The following ATAD2B variants were observed in gnomAD, a reference collection of about 807,000 sequenced individuals.
ATAD2B encodes the protein ATPase family AAA domain-containing protein 2B.
A neutral mutation model predicts 167.6 loss-of-function variants in ATAD2B; 40 were observed. That is an observed-to-expected ratio of 0.24 (90% CI 0.19 to 0.31). ATAD2B has a LOEUF of 0.31. ATAD2B is among the 10% of genes least tolerant of loss of function. The pLI is 1.00. For synonymous variants in ATAD2B, 579 were observed against 596.5 expected (o/e 0.97, Z 0.43); for missense variants, 1,242 against 1,757.2 (o/e 0.71, Z 5.24).
At chr2:23,729,800 G>T in the ATAD2B span, among the ~76,000 whole-genome samples, 1 of 152,030 alleles carries the variant, frequency 6.6e-6, no homozygotes, top group African/African-American at 2.4e-5. Context: ...AATTACCAGG[G>T]ATAAAGAATA....
the ATAD2B span, among the ~76,000 whole-genome samples, chr2:23,734,348 T>C: frequency 6.6e-6 from 1 of 151,946 alleles, no homozygotes; most frequent in African/African-American, 2.4e-5. Flanking sequence ...TTAGTAGAGA[T>C]GGGGTTTTAC....
intron 14 of ATAD2B, among the ~76,000 whole-genome samples, chr2:23,833,011 ATG>A (rs1689310438): frequency 6.6e-6 from 1 of 152,220 alleles, no homozygotes; most frequent in Admixed American, 6.5e-5. Flanking sequence ...TGTATATGCT[ATG>A]TTTCCTGTCC....
At chr2:23,829,612 GGGCAT>G (rs1441064429) in intron 14 of ATAD2B, among the ~76,000 whole-genome samples, 1 of 152,000 alleles carries the variant, frequency 6.6e-6, no homozygotes, top group Non-Finnish European at 1.5e-5. Flanking sequence ...TTAATTAATT[GGGCAT>G]GGTGGTGCAC....
intron 1 of ATAD2B, among the ~76,000 whole-genome samples, chr2:23,897,318 A>C (rs1398350964): frequency 3.3e-4 from 50 of 152,198 alleles, no homozygotes; most frequent in Admixed American, 3.3e-3. Context: ...GGTGTCTGCC[A>C]GGTTTCTTCA....
intron 24 of ATAD2B, among the ~76,000 whole-genome samples, chr2:23,759,260 TATATGTTTA>T (rs1676341832): frequency 6.6e-6 from 1 of 152,128 alleles, no homozygotes; most frequent in Non-Finnish European, 1.5e-5. Flanking sequence ...AAAGACAATA[TATATGTTTA>T]ATACATCAAA....
chr2:23,694,252 G>T, the ATAD2B span, among the ~76,000 whole-genome samples: 1 of 152,184 alleles, frequency 6.6e-6, no homozygotes, highest in Non-Finnish European at 1.5e-5. Context: ...AGCGATGCCT[G>T]GTCCCCAGAA....
chr2:23,736,313 A>G, the ATAD2B span, among the ~76,000 whole-genome samples: 1 of 151,990 alleles, frequency 6.6e-6, no homozygotes. Flanking sequence ...CTAACTGGAG[A>G]TTTTTGCCTT....
At chr2:23,917,887 T>C (rs1326559194) in intron 1 of ATAD2B, among the ~76,000 whole-genome samples, 1 of 151,888 alleles carries the variant, frequency 6.6e-6, no homozygotes, top group South Asian at 2.1e-4. Flanking sequence ...GGAGAAACCC[T>C]GTCTCTACTA....
Position 23,798,291 on chromosome 2 carries a change from A to G in ATAD2B, c.2487T>C (p.Ser829=). Residue 829 remains serine, a synonymous_variant, in exon 19 of 28, where the codon AGT becomes AGC. Coordinates refer to ENST00000238789, the MANE Select transcript of ATAD2B (RefSeq NM_017552.4). The stretch of plus-strand genomic sequence containing the variant: ...CCCCAATGTGAGGCATGTAAACAAT[A>G]CTAGGTACTGTTCTTCGAGCTTCAC... The part of the protein sequence containing the change: ...IFREARRTVP[S]IVYMPHIGDW... 1 of 1,607,782 alleles carries G rather than the reference A, an allele frequency of 6.2e-7. No homozygotes were observed. Among genetic ancestry groups the G allele is most frequent in the Non-Finnish European group, 8.5e-7 (1 of 1,176,812 alleles).
intron 13 of ATAD2B, among the ~76,000 whole-genome samples, chr2:23,855,360 T>C (rs1294559331): frequency 1.3e-5 from 2 of 152,206 alleles, no homozygotes; most frequent in African/African-American, 4.8e-5. Flanking sequence ...TAAAGCTTAA[T>C]ATTATTTGTA....
intron 22 of ATAD2B, among the ~76,000 whole-genome samples, chr2:23,776,330 T>C (rs530102996): frequency 6.6e-6 from 1 of 152,322 alleles, no homozygotes; most frequent in African/African-American, 2.4e-5. Flanking sequence ...AAGACCTCTA[T>C]ATTTAATCCC....
At position 23,914,483 on chromosome 2, in the gene ATAD2B, A is replaced by T. The variant is rs563068762; in HGVS notation, c.216+12072T>A. Among the ~76,000 whole-genome samples, 11 of 152,326 alleles carry T rather than the reference A, an allele frequency of 7.2e-5. No homozygotes were observed. In the South Asian group the frequency reaches 2.3e-3, roughly 32 times the overall value. On this transcript the variant is annotated intron_variant, in intron 1 of 27. Transcript: ENST00000238789. ...TATGGACATAAAGAGTTACCCAAAT[A>T]GTAACTAAAGAAAGGCTATTAAAAA...
At chr2:23,813,808 T>TTC (rs1371813037) in intron 17 of ATAD2B, among the ~76,000 whole-genome samples, 2 of 151,832 alleles carry the variant, frequency 1.3e-5, no homozygotes, top group African/African-American at 4.8e-5. Flanking sequence ...AAACGGAGGA[T>TTC]TCAGGTCATT....
intron 2 of ATAD2B, among the ~76,000 whole-genome samples, chr2:23,890,298 AT>A (rs1488861195): frequency 1.3e-5 from 2 of 151,478 alleles, no homozygotes; most frequent in Non-Finnish European, 3.0e-5. Flanking sequence ...TGTCAAAAAA[AT>A]AACAACAAAA....
At position 23,878,010 on chromosome 2, in the gene ATAD2B, C is replaced by CAAAAAAAAAAAAAAAAAAA. The variant is rs1283016862; in HGVS notation, c.902-2107_902-2106insTTTTTTTTTTTTTTTTTTT. ...ACTCCAGCCTGGATGACCCTATCTC[C>CAAAAAAAAAAAAAAAAAAA]AAAGAAAAAAAAAAAAAAAAAAAAA... On this transcript the variant is annotated intron_variant, in intron 7 of 27. Transcript: ENST00000238789. Among the ~76,000 whole-genome samples the CAAAAAAAAAAAAAAAAAAA allele has an allele frequency of 8.7e-4, 25 of 28,606 alleles. 7 individuals are homozygous for CAAAAAAAAAAAAAAAAAAA. The highest frequency in any genetic ancestry group is 1.8e-3 in the Admixed American group (3 of 1,644). The allele number at this position is 28,606 out of a possible 152,430, so 18.8% of individuals were successfully genotyped here.
intron 1 of ATAD2B, among the ~76,000 whole-genome samples, chr2:23,922,625 T>C (rs1372579780): frequency 2.0e-5 from 3 of 150,400 alleles, no homozygotes; most frequent in Admixed American, 1.3e-4. Flanking sequence ...GAAGAAAACA[T>C]TTTTTAATGG....
intron 3 of ATAD2B, 65 bp downstream of exon 3, chr2:23,888,279 TCCCCAC>T: frequency 9.4e-7 from 1 of 1,063,808 alleles, no homozygotes; most frequent in South Asian, 1.4e-5. Context: ...ACTCTATTTT[TCCCCAC>T]TTTACTGCTT....
At chr2:23,913,524 C>T (rs1573423051) in intron 1 of ATAD2B, among the ~76,000 whole-genome samples, 1 of 151,950 alleles carries the variant, frequency 6.6e-6, no homozygotes, top group South Asian at 2.1e-4. Context: ...CCTGTAATCC[C>T]AGCTACTTGG....
chr2:23,910,650 C>T (rs1247284310), intron 1 of ATAD2B, among the ~76,000 whole-genome samples: 2 of 146,736 alleles, frequency 1.4e-5, no homozygotes, highest in Non-Finnish European at 3.1e-5. Flanking sequence ...GGTGGATCAC[C>T]TGAGGTCAGA....
Sources: allele counts gnomAD v4.1 joint callset (sites outside exome capture counted in the v4.1 genomes callset), GRCh38; gene constraint gnomAD v4.1.1; transcripts MANE v1.5; gene names NCBI Gene and HGNC (gene_info 2026-07-23, HGNC 2026-07-21).